The following CEP57L1 variants were observed in gnomAD, a reference collection of about 807,000 sequenced individuals.
CEP57L1 encodes centrosomal protein CEP57L1.
CEP57L1 carries 37 observed loss-of-function variants against 61.0 expected under a neutral mutation model. The ratio of observed to expected loss-of-function variants is 0.61; its 90% CI spans 0.47 to 0.80. CEP57L1 has a LOEUF of 0.80. Among genes scored for constraint, CEP57L1 ranks in the 30% least tolerant of loss-of-function variants. The probability of loss-of-function intolerance (pLI) is 0.00; values close to 1 mark genes in which losing one functional copy is unlikely to be tolerated. For missense variants in CEP57L1, 422 were observed against 524.7 expected (o/e 0.80, Z 1.91); for synonymous variants, 137 against 162.3 (o/e 0.84, Z 1.19).
intron 1 of CEP57L1, among the ~76,000 whole-genome samples, chr6:109,101,852 C>A (rs1171816269): frequency 2.6e-5 from 4 of 152,186 alleles, no homozygotes; most frequent in African/African-American, 9.7e-5. Flanking sequence ...ATCTCCTGAT[C>A]TCGTGATCCG....
At chr6:109,140,260 A>G (rs972586864) in intron 1 of CEP57L1, among the ~76,000 whole-genome samples, 1 of 151,426 alleles carries the variant, frequency 6.6e-6, no homozygotes, top group Non-Finnish European at 1.5e-5. Flanking sequence ...TCATTTTTCT[A>G]TTATGACGTT....
chr6:109,136,576 A>AAC lies in CEP57L1; in HGVS notation c.-3-8642_-3-8641insCA, dbSNP rs1396648576. Among the ~76,000 whole-genome samples the AAC allele has an allele frequency of 8.3e-3, 1,262 of 151,396 alleles. 24 individuals carry two copies. The highest frequency in any genetic ancestry group is 0.029 in the African/African-American group (1,211 of 41,344). ...ACTATAAGTATAAAAAAAAAAAAAAAAGATACCATTTTTATCTTTATTTTG... is the reference window on the plus strand; with the variant it reads ...ACTATAAGTATAAAAAAAAAAAAAAAACAGATACCATTTTTATCTTTATTTTG... On this transcript the variant is annotated intron_variant, in intron 1 of 10. Transcript: ENST00000517392.
rs899410960 is a variant in CEP57L1, at chr6:109,136,008, G to A, written c.-3-9211G>A. On this transcript the variant is annotated intron_variant, in intron 1 of 10. Coordinates refer to ENST00000517392, the MANE Select transcript of CEP57L1 (RefSeq NM_001271852.3). ...CAACCATTGTGGAAGACAGTGTGGG[G>A]ATTCCTCAGGGATCTAGAACTAGAA... Among the ~76,000 whole-genome samples the A allele has an allele frequency of 2.6e-4, 40 of 152,218 alleles. No individual in the cohort carries two copies. The South Asian group carries it at 2.9e-3, about 11-fold the overall frequency.
chr6:109,097,448 T>C (rs894107270), intron 1 of CEP57L1, among the ~76,000 whole-genome samples: 1 of 152,218 alleles, frequency 6.6e-6, no homozygotes, highest in Admixed American at 6.5e-5. Flanking sequence ...CATCTGGTAC[T>C]CTTTCAGACT....
intron 1 of CEP57L1, among the ~76,000 whole-genome samples, chr6:109,135,500 A>G (rs1371162486): frequency 6.6e-6 from 1 of 152,224 alleles, no homozygotes; most frequent in Admixed American, 6.5e-5. Context: ...GGACATAGGC[A>G]TGGGCAAGGA....
chr6:109,115,688 A>C (rs1772185183), intron 1 of CEP57L1, among the ~76,000 whole-genome samples: 1 of 152,234 alleles, frequency 6.6e-6, no homozygotes, highest in Non-Finnish European at 1.5e-5. Flanking sequence ...AAAAGGGTCC[A>C]CAGTTAGAGT....
chr6:109,160,921 T>G (rs2114961984), intron 10 of CEP57L1, among the ~76,000 whole-genome samples: 1 of 152,300 alleles, frequency 6.6e-6, no homozygotes, highest in Non-Finnish European at 1.5e-5. Flanking sequence ...CAAGTTAAAA[T>G]TTTTTAAGTG....
intron 1 of CEP57L1, among the ~76,000 whole-genome samples, chr6:109,098,904 G>T (rs1039722931): frequency 6.6e-6 from 1 of 152,190 alleles, no homozygotes; most frequent in Admixed American, 6.5e-5. Context: ...ACAGAATCTG[G>T]ATACATTTTG....
At chr6:109,115,025 A>G (rs375001941) in intron 1 of CEP57L1, among the ~76,000 whole-genome samples, 7 of 152,168 alleles carry the variant, frequency 4.6e-5, no homozygotes, top group African/African-American at 1.2e-4. Flanking sequence ...ATGTAAAACT[A>G]TATTTGTTAA....
chr6:109,102,834 A>G (rs574634756), intron 1 of CEP57L1, among the ~76,000 whole-genome samples: 40 of 152,284 alleles, frequency 2.6e-4, no homozygotes, highest in African/African-American at 8.7e-4. Flanking sequence ...GTTCCTTGAG[A>G]GAGAGACCTG....
At chr6:109,162,691 T>C in intron 10 of CEP57L1, 58 bp from the exon 11 acceptor site, 2 of 1,109,636 alleles carry the variant, frequency 1.8e-6, no homozygotes, top group Non-Finnish European at 2.6e-6. Context: ...CCTATCTATT[T>C]TGGAATATAT....
chr6:109,098,138 T>TTCTCTCTCTC (rs544211200), intron 1 of CEP57L1, among the ~76,000 whole-genome samples: 2 of 150,564 alleles, frequency 1.3e-5, no homozygotes, highest in African/African-American at 4.9e-5. Context: ...CTCTCTCTCT[T>TTCTCTCTCTC]TCTCTCTCTC....
At chr6:109,117,365 A>G (rs1263820348) in intron 1 of CEP57L1, among the ~76,000 whole-genome samples, 6 of 152,138 alleles carry the variant, frequency 3.9e-5, no homozygotes, top group African/African-American at 4.8e-5. Flanking sequence ...ATGGTCTGTA[A>G]TGTGCTGCTG....
At position 109,169,687 on chromosome 6, in the gene CEP57L1, C is replaced by T. The variant is rs1373009559; in HGVS notation, c.*6717C>T. Among the ~76,000 whole-genome samples, 1 of 152,066 alleles carries T rather than the reference C, an allele frequency of 6.6e-6. No homozygotes were observed. The highest frequency in any genetic ancestry group is 2.4e-5 in the African/African-American group (1 of 41,418). On this transcript the variant is annotated 3_prime_UTR_variant, in exon 11 of 11. Coordinates refer to ENST00000517392, the MANE Select transcript of CEP57L1 (RefSeq NM_001271852.3). ...ATGCTACCTCTTGGTAAAATCTAAC[C>T]AAGCATGAGTCTTATGATTAAGAAA...
In CEP57L1 at chr6:109,145,164, A is replaced by G. The variant is rs1771817283; in HGVS notation, c.-3-55A>G. 4 of 1,135,988 alleles carry G rather than the reference A, an allele frequency of 3.5e-6. No individual in the cohort carries two copies. In the South Asian group the frequency reaches 7.5e-5, roughly 21 times the overall value. The allele number at this position is 1,135,988 out of a possible 1,614,324, so 70.4% of individuals were successfully genotyped here. On this transcript the variant is annotated intron_variant, in intron 1 of 10. Transcript: ENST00000517392. ...TTTCACCTGAATTTTTGTATAATGC[A>G]TTTACCCTTAAAATAGGAAAGCATG...
chr6:109,095,755 G>A (rs1781617249), intron 1 of CEP57L1, among the ~76,000 whole-genome samples, 180 bp downstream of exon 1: 1 of 152,154 alleles, frequency 6.6e-6, no homozygotes, highest in Admixed American at 6.5e-5. Flanking sequence ...GGTGGGTGAG[G>A]CAAGGATTTG....
intron 3 of CEP57L1, among the ~76,000 whole-genome samples, chr6:109,148,137 C>T (rs1319317846): frequency 1.3e-5 from 2 of 151,670 alleles, no homozygotes; most frequent in African/African-American, 4.9e-5. Flanking sequence ...TATTATTATA[C>T]TTTAAGTTTT....
chr6:109,095,867 T>C, intron 1 of CEP57L1, among the ~76,000 whole-genome samples: 1 of 152,164 alleles, frequency 6.6e-6, no homozygotes, highest in East Asian at 1.9e-4. Context: ...GATTCCGCCC[T>C]TTTTTGTGGA....
chr6:109,139,591 C>T (rs970278809), intron 1 of CEP57L1, among the ~76,000 whole-genome samples: 2 of 151,846 alleles, frequency 1.3e-5, no homozygotes, highest in South Asian at 4.1e-4. Context: ...ATTCTCCTGC[C>T]TCCGCTTTTC....
Sources: allele counts gnomAD v4.1 joint callset (sites outside exome capture counted in the v4.1 genomes callset), GRCh38; gene constraint gnomAD v4.1.1; transcripts MANE v1.5; gene names NCBI Gene and HGNC (gene_info 2026-07-23, HGNC 2026-07-21).